Variants in JAZF1 observed in about 807,000 individuals in gnomAD.
JAZF1 encodes the protein JAZF zinc finger 1.
JAZF1 carries 8 observed loss-of-function variants against 26.4 expected under a neutral mutation model. That is an observed-to-expected ratio of 0.30 (90% CI 0.18 to 0.55). The LOEUF is 0.55. Among genes scored for constraint, JAZF1 ranks in the 20% least tolerant of loss-of-function variants. JAZF1 has a pLI of 0.94. For missense variants in JAZF1, 199 were observed against 322.0 expected, an observed-to-expected ratio of 0.62 and a Z score of 2.92; for synonymous variants, 126 against 122.3, an observed-to-expected ratio of 1.03 and a Z score of -0.20.
At chr7:27,867,117 T>C (rs528666862) in intron 3 of JAZF1, among the ~76,000 whole-genome samples, 55 of 152,148 alleles carry the variant, frequency 3.6e-4, no homozygotes, top group Non-Finnish European at 7.5e-4. Context: ...TGAAATAAAA[T>C]GTGCTATATT....
At chr7:28,095,391 C>T (rs1303521728) in intron 1 of JAZF1, among the ~76,000 whole-genome samples, 1 of 152,062 alleles carries the variant, frequency 6.6e-6, no homozygotes, top group Non-Finnish European at 1.5e-5. Context: ...ATGATCTTCA[C>T]AAGCAGGGAG....
chr7:28,017,000 G>C (rs982291016), intron 1 of JAZF1, among the ~76,000 whole-genome samples: 1 of 152,204 alleles, frequency 6.6e-6, no homozygotes, highest in African/African-American at 2.4e-5. Flanking sequence ...AAACAGAACA[G>C]GGGAAGGGAT....
chr7:28,080,568 G>A (rs931621252), intron 1 of JAZF1, among the ~76,000 whole-genome samples: 4 of 152,138 alleles, frequency 2.6e-5, no homozygotes, highest in African/African-American at 4.8e-5. Flanking sequence ...AGTGAGAGAC[G>A]TGTTACTCTT....
chr7:28,180,238 C>G (rs1200003257), intron 1 of JAZF1: 1 of 138,644 alleles, frequency 7.2e-6, no homozygotes, highest in Non-Finnish European at 1.6e-5. Context: ...CGCCCGCCCG[C>G]CCGCGGCACC....
intron 2 of JAZF1, among the ~76,000 whole-genome samples, chr7:27,975,174 C>T (rs879850791): frequency 6.6e-5 from 10 of 152,024 alleles, no homozygotes; most frequent in Non-Finnish European, 1.0e-4. Flanking sequence ...CGTGAGTCAC[C>T]GCGTCGGGCC....
chr7:27,960,262 A>G (rs1785166231), intron 2 of JAZF1, among the ~76,000 whole-genome samples: 1 of 152,226 alleles, frequency 6.6e-6, no homozygotes, highest in Non-Finnish European at 1.5e-5. Context: ...ACAAGACTGA[A>G]AGGACCCAGG....
At chr7:27,878,811 G>C (rs1311316099) in intron 3 of JAZF1, among the ~76,000 whole-genome samples, 1 of 152,168 alleles carries the variant, frequency 6.6e-6, no homozygotes. Context: ...TTTTAAAAGA[G>C]AGCAGTAGGT....
intron 3 of JAZF1, among the ~76,000 whole-genome samples, chr7:27,862,485 G>A (rs1233656611): frequency 6.7e-6 from 1 of 148,478 alleles, no homozygotes; most frequent in East Asian, 1.9e-4. Context: ...CAAGCGTACT[G>A]CTCAAGGTTT....
chr7:28,082,814 C>A (rs1784157305), intron 1 of JAZF1, among the ~76,000 whole-genome samples: 1 of 152,122 alleles, frequency 6.6e-6, no homozygotes, highest in Admixed American at 6.5e-5. Flanking sequence ...GGGCCTTTGC[C>A]TCGGTGCCAC....
chr7:27,844,999 C>A (rs1782991035), intron 3 of JAZF1, among the ~76,000 whole-genome samples: 1 of 152,198 alleles, frequency 6.6e-6, no homozygotes, highest in Non-Finnish European at 1.5e-5. Context: ...TGCCGGGTGC[C>A]CCGCCAGGAG....
At position 28,166,575 on chromosome 7, in the gene JAZF1, G is replaced by C. The variant is rs576507253; in HGVS notation, c.115+13888C>G. 2.0e-5 allele frequency among the ~76,000 whole-genome samples: 3 copies of C among 152,284 alleles called. No individual in the cohort carries two copies. In the South Asian group the frequency reaches 6.2e-4, roughly 32 times the overall value. ...TTGTTTTTTCCATTGCTTGGTTGTT[G>C]CAACATGTAATAATTATGTTTTCTG... On this transcript the variant is annotated intron_variant, in intron 1 of 4. Coordinates refer to ENST00000283928, the MANE Select transcript of JAZF1 (RefSeq NM_175061.4).
At chr7:28,075,852 A>G (rs1191104014) in intron 1 of JAZF1, among the ~76,000 whole-genome samples, 1 of 152,228 alleles carries the variant, frequency 6.6e-6, no homozygotes, top group East Asian at 1.9e-4. Flanking sequence ...GACACTGGTT[A>G]TCTTGACCAC....
intron 2 of JAZF1, among the ~76,000 whole-genome samples, chr7:27,975,466 A>G (rs2128360770): frequency 6.6e-6 from 1 of 152,312 alleles, no homozygotes; most frequent in African/African-American, 2.4e-5. Context: ...ATGTCAAGGA[A>G]GGACGGGCTG....
chr7:28,174,952 G>C lies in JAZF1; in HGVS notation c.115+5511C>G, dbSNP rs756638151. 1.6e-3 allele frequency among the ~76,000 whole-genome samples: 120 copies of C among 75,496 alleles called. 37 individuals carry two copies. The highest frequency in any genetic ancestry group is 8.4e-3 in the Admixed American group (54 of 6,434). The allele number at this position is 75,496 out of a possible 152,430, so 49.5% of individuals were successfully genotyped here. A position where few individuals can be genotyped will look rare whatever the true frequency, so the allele number is the denominator to read the frequency against. On this transcript the variant is annotated intron_variant, in intron 1 of 4. Coordinates refer to ENST00000283928, the MANE Select transcript of JAZF1 (RefSeq NM_175061.4). ...CGCCAAGCCACAGGGCACAGGCAGA[G>C]AGCAGGGCAGGCAGCAACAAGCCTT...
intron 3 of JAZF1, among the ~76,000 whole-genome samples, chr7:27,879,884 T>C (rs1783740503): frequency 1.3e-5 from 2 of 152,154 alleles, no homozygotes; most frequent in Non-Finnish European, 2.9e-5. Context: ...CAAATTGCCA[T>C]CTTCTGGAAG....
intron 2 of JAZF1, among the ~76,000 whole-genome samples, chr7:27,931,521 A>G (rs964608026): frequency 6.6e-6 from 1 of 152,212 alleles, no homozygotes; most frequent in Non-Finnish European, 1.5e-5. Flanking sequence ...GATGGCAAAA[A>G]TCAGGTTTGG....
intron 1 of JAZF1, among the ~76,000 whole-genome samples, chr7:28,077,674 T>A (rs1046321423): frequency 1.3e-5 from 2 of 152,194 alleles, no homozygotes; most frequent in African/African-American, 4.8e-5. Flanking sequence ...CACCCAGTGT[T>A]AGGTCTTAGA....
intron 3 of JAZF1, among the ~76,000 whole-genome samples, chr7:27,850,966 G>C (rs1364195875): frequency 6.6e-6 from 1 of 151,736 alleles, no homozygotes; most frequent in Non-Finnish European, 1.5e-5. Context: ...TTTTGAGATG[G>C]AGTTTCACTC....
chr7:28,004,061 AT>A (rs1782655944), intron 1 of JAZF1, among the ~76,000 whole-genome samples: 1 of 152,186 alleles, frequency 6.6e-6, no homozygotes, highest in African/African-American at 2.4e-5. Flanking sequence ...AGACTGGACT[AT>A]AGAGGATGTG....
Sources: allele counts gnomAD v4.1 joint callset (sites outside exome capture counted in the v4.1 genomes callset), GRCh38; gene constraint gnomAD v4.1.1; transcripts MANE v1.5; gene names NCBI Gene and HGNC (gene_info 2026-07-23, HGNC 2026-07-21).